Variants in CSMD1 observed in about 807,000 individuals in gnomAD.
CSMD1 encodes CUB and Sushi multiple domains 1, also known as CUB and sushi domain-containing protein 1.
Under a neutral mutation model 417.5 loss-of-function variants are expected in CSMD1, and 213 were observed. The ratio of observed to expected loss-of-function variants is 0.51; its 90% CI spans 0.46 to 0.57. The LOEUF (loss-of-function observed/expected upper bound fraction) is 0.57. Ranked by LOEUF, CSMD1 falls within the 20% of genes least tolerant of loss-of-function variation. The pLI, the probability that CSMD1 is intolerant of heterozygous loss-of-function variation, is 0.00. For synonymous variants in CSMD1, 2,862 were observed against 1,736.8 expected (o/e 1.65, Z -16.11); for missense variants, 6,923 against 4,529.7 (o/e 1.53, Z -15.17).
chr8:3,749,306 T>C (rs905592918), intron 6 of CSMD1, among the ~76,000 whole-genome samples: 25 of 152,146 alleles, frequency 1.6e-4, no homozygotes, highest in African/African-American at 6.0e-4. Context: ...ATATTGCAAA[T>C]ATATTGTGGG....
At chr8:3,263,395 G>C (rs935358524) in intron 26 of CSMD1, among the ~76,000 whole-genome samples, 1 of 152,142 alleles carries the variant, frequency 6.6e-6, no homozygotes, top group South Asian at 2.1e-4. Flanking sequence ...CACCGTGCCA[G>C]GCCTTGCTTC....
chr8:3,083,627 TATATATATATATATATATA>T (rs1814276569), intron 49 of CSMD1, among the ~76,000 whole-genome samples: 2 of 24,980 alleles, frequency 8.0e-5, no homozygotes, highest in African/African-American at 2.6e-4. Context: ...TATATATATA[TATATATATATATATATATA>T]TATTTTTTTT....
At chr8:3,580,710 T>A (rs1800346187) in intron 9 of CSMD1, among the ~76,000 whole-genome samples, 1 of 152,196 alleles carries the variant, frequency 6.6e-6, no homozygotes, top group African/African-American at 2.4e-5. Flanking sequence ...CGTGTGTTCT[T>A]CTGTCTAAAT....
chr8:4,961,402 CACT>C (rs1809473462), intron 1 of CSMD1, among the ~76,000 whole-genome samples: 1 of 152,156 alleles, frequency 6.6e-6, no homozygotes, highest in African/African-American at 2.4e-5. Context: ...GTCTCAACTT[CACT>C]TTTCTCACAG....
At chr8:3,865,490 C>G (rs986392017) in intron 5 of CSMD1, among the ~76,000 whole-genome samples, 9 of 151,598 alleles carry the variant, frequency 5.9e-5, no homozygotes, top group African/African-American at 1.7e-4. Flanking sequence ...TCTGGGAAAT[C>G]AGAAAAGGGT....
chr8:4,954,692 G>C (rs923615219), intron 1 of CSMD1, among the ~76,000 whole-genome samples: 3 of 152,046 alleles, frequency 2.0e-5, no homozygotes, highest in South Asian at 4.1e-4. Flanking sequence ...TTCCTTATAA[G>C]CTATCATAAA....
At chr8:3,481,852 G>A (rs1483548660) in intron 11 of CSMD1, among the ~76,000 whole-genome samples, 1 of 152,186 alleles carries the variant, frequency 6.6e-6, no homozygotes, top group Non-Finnish European at 1.5e-5. Context: ...GTTGATGCTG[G>A]CCTAGAAAAC....
chr8:4,082,508 G>C lies in CSMD1; in HGVS notation c.416-50409C>G, dbSNP rs961120981. Among the ~76,000 whole-genome samples the C allele has an allele frequency of 3.9e-5, 6 of 151,920 alleles. 1 individual carries two copies. Among genetic ancestry groups the C allele is most frequent in the Admixed American group, 1.3e-4 (2 of 15,256 alleles). Reference sequence around the variant, plus strand: ...AATTTTGATAACAAAGTCTGTCAAAGACCTAAAAAATAAAACTAAAAGGAA... The same window carrying C: ...AATTTTGATAACAAAGTCTGTCAAACACCTAAAAAATAAAACTAAAAGGAA... On this transcript the variant is annotated intron_variant, in intron 3 of 69. Transcript: ENST00000635120.
At chr8:2,976,598 C>T (rs575960450) in intron 55 of CSMD1, among the ~76,000 whole-genome samples, 1 of 152,272 alleles carries the variant, frequency 6.6e-6, no homozygotes, top group East Asian at 1.9e-4. Flanking sequence ...ATCCACCTTC[C>T]CTGGCCTCCC....
At position 3,350,107 on chromosome 8, in the gene CSMD1, GTGTA is replaced by G. The variant is rs1563299106; in HGVS notation, c.3305-1950_3305-1947del. On this transcript the variant is annotated intron_variant, in intron 21 of 69. Transcript: ENST00000635120. The stretch of plus-strand genomic sequence containing the variant: ...TACCTATAATAACCTATAATAACTT[GTGTA>G]TGTGTGTGTTACAATACCTATAATA... Among the ~76,000 whole-genome samples, 4 of 124,718 alleles carry G rather than the reference GTGTA, an allele frequency of 3.2e-5. 1 individual carries two copies. The highest frequency in any genetic ancestry group is 9.0e-5 in the Admixed American group (1 of 11,074). The allele number at this position is 124,718 out of a possible 152,430, so 81.8% of individuals were successfully genotyped here. A position where few individuals can be genotyped will look rare whatever the true frequency, so the allele number is the denominator to read the frequency against.
intron 10 of CSMD1, among the ~76,000 whole-genome samples, chr8:3,542,208 T>G (rs966937819): frequency 2.0e-5 from 3 of 152,154 alleles, no homozygotes; most frequent in African/African-American, 7.2e-5. Flanking sequence ...TATTGATACT[T>G]ACCTCTTATT....
At chr8:4,236,662 G>A (rs1044533720) in intron 3 of CSMD1, among the ~76,000 whole-genome samples, 1 of 152,146 alleles carries the variant, frequency 6.6e-6, no homozygotes, top group South Asian at 2.1e-4. Flanking sequence ...ATAATGAATT[G>A]CATGCTTATT....
At chr8:4,951,469 G>A (rs62488207) in intron 1 of CSMD1, among the ~76,000 whole-genome samples, 1 of 150,326 alleles carries the variant, frequency 6.7e-6, no homozygotes, top group Non-Finnish European at 1.5e-5. Flanking sequence ...AAGAAGGAAG[G>A]AAGGAAGGAA....
At chr8:3,981,258 T>C (rs1813838548) in intron 5 of CSMD1, among the ~76,000 whole-genome samples, 1 of 151,980 alleles carries the variant, frequency 6.6e-6, no homozygotes, top group Admixed American at 6.6e-5. Context: ...AAACCAAACA[T>C]CGTATGTACT....
intron 3 of CSMD1, among the ~76,000 whole-genome samples, chr8:4,221,413 A>T (rs1801024128): frequency 6.6e-6 from 1 of 152,122 alleles, no homozygotes; most frequent in Non-Finnish European, 1.5e-5. Context: ...GACAGCAGCA[A>T]AACTTGAGAA....
Position 3,575,004 on chromosome 8 carries a change from C to A in CSMD1, c.1285G>T (p.Val429Phe), listed in dbSNP as rs755320481. ...CAGTGTGCATTATCTTCATACTGAACCGGATAATTAGGGGAGGTAATGACG... is the reference window on the plus strand; with the variant it reads ...CAGTGTGCATTATCTTCATACTGAAACGGATAATTAGGGGAGGTAATGACG... ...SGVITSPNYP[V>F]QYEDNAHCVW... The change falls in exon 10 of 70, where the codon GTT becomes TTT. Residue 429 changes from valine to phenylalanine, a missense_variant. Physicochemically the swap from Val to Phe is conservative, Grantham distance 50. Coordinates refer to ENST00000635120, the MANE Select transcript of CSMD1 (RefSeq NM_033225.6). 1.2e-6 allele frequency: 2 copies of A among 1,613,338 alleles called. No homozygotes were observed. Among genetic ancestry groups the A allele is most frequent in the African/African-American group, 2.7e-5 (2 of 75,004 alleles).
intron 7 of CSMD1, among the ~76,000 whole-genome samples, chr8:3,620,737 T>C (rs189194536): frequency 1.1e-4 from 17 of 152,204 alleles, no homozygotes; most frequent in African/African-American, 3.6e-4. Context: ...ATAACAGTAA[T>C]GGGACAAAGG....
intron 7 of CSMD1, among the ~76,000 whole-genome samples, chr8:3,643,135 G>C (rs1435575530): frequency 6.6e-6 from 1 of 151,946 alleles, no homozygotes; most frequent in East Asian, 1.9e-4. Context: ...AACAGTCAGG[G>C]AAAAACCATG....
chr8:4,637,358 C>G lies in CSMD1; in HGVS notation c.286G>C (p.Gly96Arg). The G allele has an allele frequency of 6.2e-7, 1 of 1,613,542 alleles. No homozygotes were observed. Among genetic ancestry groups the G allele is most frequent in the South Asian group, 1.1e-5 (1 of 91,072 alleles). Residue 96 changes from glycine to arginine, a missense_variant, in exon 2 of 70, where the codon GGG becomes CGG. Coordinates refer to ENST00000635120, the MANE Select transcript of CSMD1 (RefSeq NM_033225.6). ...LSVYDGQPQQ[G>R]NLKVRLSGFQ... Reference sequence around the variant, plus strand: ...ATACCTTACCTCACTTTTAAATTCCCTTGTTGAGGCTGTCCATCGTAAACT... The same window carrying G: ...ATACCTTACCTCACTTTTAAATTCCGTTGTTGAGGCTGTCCATCGTAAACT...
Sources: allele counts gnomAD v4.1 joint callset (sites outside exome capture counted in the v4.1 genomes callset), GRCh38; gene constraint gnomAD v4.1.1; transcripts MANE v1.5; gene names NCBI Gene and HGNC (gene_info 2026-07-23, HGNC 2026-07-21).